Variants in DRC9 observed in about 807,000 individuals in gnomAD.
DRC9 encodes dynein regulatory complex subunit 9, also known as dynein regulatory complex protein 9.
At chr3:197,913,689 G>GC in the DRC9 span, 2 of 677,546 alleles carry the variant, frequency 3.0e-6, no homozygotes, top group Non-Finnish European at 5.3e-6. Context: ...GGAGGCTACA[G>GC]CCCACTGGAA....
At chr3:197,906,146 G>A in the DRC9 span, among the ~76,000 whole-genome samples, 17 of 152,168 alleles carry the variant, frequency 1.1e-4, no homozygotes, top group African/African-American at 2.9e-4. Flanking sequence ...AAAATGCTAA[G>A]CTGTGTCAGT....
the DRC9 span, among the ~76,000 whole-genome samples, chr3:197,898,030 C>T: frequency 6.6e-6 from 1 of 151,486 alleles, no homozygotes; most frequent in African/African-American, 2.4e-5. Flanking sequence ...ATCCACCTGC[C>T]TCGGCCTCCC....
At chr3:197,950,219 G>C in the DRC9 span, 2 of 1,231,390 alleles carry the variant, frequency 1.6e-6, no homozygotes, top group Non-Finnish European at 2.0e-6. Flanking sequence ...GGCTCCTGTG[G>C]AGGTGAGTGA....
At chr3:197,943,101 T>C in the DRC9 span, among the ~76,000 whole-genome samples, 108 of 152,334 alleles carry the variant, frequency 7.1e-4, no homozygotes, top group South Asian at 2.3e-3. Flanking sequence ...CACAGAGGAT[T>C]CATCAATGAC....
the DRC9 span, chr3:197,956,310 A>C: frequency 6.2e-6 from 1 of 160,954 alleles, no homozygotes; most frequent in Non-Finnish European, 1.4e-5. Context: ...TAAAATTTGA[A>C]TGGAGATTAT....
the DRC9 span, chr3:197,913,357 C>CGTGCGTGCGTGCGTGCGTGT: frequency 2.9e-4 from 65 of 224,052 alleles, 1 homozygote; most frequent in African/African-American, 7.1e-4. Flanking sequence ...TGTGTGCGTG[C>CGTGCGTGCGTGCGTGCGTGT]GTGCGTGTGT....
chr3:197,952,989 CAG>C, the DRC9 span, among the ~76,000 whole-genome samples: 1 of 151,512 alleles, frequency 6.6e-6, no homozygotes, highest in Non-Finnish European at 1.5e-5. Context: ...TTAGTAGAGA[CAG>C]GGTTTCACCA....
chr3:197,917,456 A>G, the DRC9 span, among the ~76,000 whole-genome samples: 1 of 152,320 alleles, frequency 6.6e-6, no homozygotes, highest in East Asian at 1.9e-4. Context: ...GAGACGGAGC[A>G]TCTCTGGCAC....
the DRC9 span, among the ~76,000 whole-genome samples, chr3:197,900,195 C>T: frequency 6.6e-6 from 1 of 152,198 alleles, no homozygotes; most frequent in Non-Finnish European, 1.5e-5. This position sits in a 1 kb window ranked among gnomAD's most constrained non-coding sequence, Gnocchi z 4.7. Flanking sequence ...CGGTCTAGGC[C>T]AGGAGGACTA....
At chr3:197,948,908 C>A in the DRC9 span, among the ~76,000 whole-genome samples, 1 of 152,186 alleles carries the variant, frequency 6.6e-6, no homozygotes, top group Non-Finnish European at 1.5e-5. Flanking sequence ...CTATAATTAT[C>A]TTCCTGCTGA....
At chr3:197,943,561 C>T in the DRC9 span, among the ~76,000 whole-genome samples, 281 of 151,480 alleles carry the variant, frequency 1.9e-3, no homozygotes, top group Non-Finnish European at 3.3e-3. Context: ...ATCACTTGAG[C>T]CTGGGAGGTA....
At chr3:197,950,206 C>T in the DRC9 span, 1 of 1,231,570 alleles carries the variant, frequency 8.1e-7, no homozygotes, top group Non-Finnish European at 1.0e-6. Flanking sequence ...TTACCGCCAT[C>T]TTGGCTCCTG....
chr3:197,889,790 T>C, the DRC9 span: 5 of 1,525,628 alleles, frequency 3.3e-6, no homozygotes, highest in Non-Finnish European at 4.5e-6. Context: ...AAAGGGACTG[T>C]TGAATAAAGT....
chr3:197,911,115 C>T, the DRC9 span, among the ~76,000 whole-genome samples: 1 of 151,732 alleles, frequency 6.6e-6, no homozygotes, highest in African/African-American at 2.4e-5. Flanking sequence ...ATATATTTCA[C>T]ACAAGAAGAA....
At chr3:197,927,139 C>T in the DRC9 span, among the ~76,000 whole-genome samples, 1 of 152,184 alleles carries the variant, frequency 6.6e-6, no homozygotes, top group African/African-American at 2.4e-5. Context: ...CAAAACAATA[C>T]CAGAATAAAC....
the DRC9 span, among the ~76,000 whole-genome samples, chr3:197,901,025 C>T: frequency 6.6e-6 from 1 of 152,144 alleles, no homozygotes; most frequent in African/African-American, 2.4e-5. The surrounding 1 kb of genome is among the most constrained non-coding windows in gnomAD (Gnocchi z 4.4). Flanking sequence ...GTGAGAGACT[C>T]CTGCTTGAGA....
At chr3:197,947,928 C>CTTTTTT in the DRC9 span, among the ~76,000 whole-genome samples, 40 of 96,782 alleles carry the variant, frequency 4.1e-4, no homozygotes, top group Middle Eastern at 9.4e-3. Flanking sequence ...CCTGCTTTAC[C>CTTTTTT]TTTTTTTTTT....
chr3:197,942,015 T>C, the DRC9 span, among the ~76,000 whole-genome samples: 1 of 152,162 alleles, frequency 6.6e-6, no homozygotes, highest in Non-Finnish European at 1.5e-5. Context: ...TTAACTTACA[T>C]TATACAATTC....
chr3:197,924,349 C>T, the DRC9 span, among the ~76,000 whole-genome samples: 1 of 151,816 alleles, frequency 6.6e-6, no homozygotes, highest in African/African-American at 2.4e-5. Context: ...ATGGAGTGGA[C>T]AGGGTGAGAC....
Sources: gnomAD v4.1 joint callset for allele counts (sites outside exome capture counted in the v4.1 genomes callset) on GRCh38, gnomAD v4.1.1 for gene constraint, Gnocchi (gnomAD v3.1) non-coding constraint, MANE v1.5 for transcripts, NCBI Gene and HGNC (gene_info 2026-07-23, HGNC 2026-07-21) for gene names.